Variants in LPAR5 observed in about 807,000 individuals in gnomAD.
LPAR5 encodes the protein G protein-coupled receptor 92.
For synonymous variants in LPAR5, 271 were observed against 261.6 expected, an observed-to-expected ratio of 1.04 and a Z score of -0.35; for missense variants, 544 against 521.8, an observed-to-expected ratio of 1.04 and a Z score of -0.41.
At position 6,621,418 on chromosome 12, in the gene LPAR5, G is replaced by A; in HGVS notation, c.-170C>T. The A allele has an allele frequency of 1.7e-6, 1 of 589,886 alleles. No homozygotes were observed. The highest frequency in any genetic ancestry group is 3.4e-5 in the East Asian group (1 of 29,080). The allele number at this position is 589,886 out of a possible 1,614,324, so 36.5% of individuals were successfully genotyped here. Reference sequence around the variant, plus strand: ...GCTATGGCTGCAGGGACAGATGGCTGCCAAGGGTTGGGTGCGTTTGGTCAC... The same window carrying A: ...GCTATGGCTGCAGGGACAGATGGCTACCAAGGGTTGGGTGCGTTTGGTCAC... On this transcript the variant is annotated 5_prime_UTR_variant, in exon 2 of 2. Coordinates refer to ENST00000329858, the MANE Select transcript of LPAR5 (RefSeq NM_020400.6).
At chr12:6,631,006 A>C (rs760146130) in intron 1 of LPAR5, among the ~76,000 whole-genome samples, 8 of 152,294 alleles carry the variant, frequency 5.3e-5, no homozygotes, top group Non-Finnish European at 1.2e-4. Context: ...GGTGTTGGGG[A>C]GGGGCAGCCC....
intron 1 of LPAR5, among the ~76,000 whole-genome samples, chr12:6,634,039 C>T (rs925046468): frequency 6.6e-6 from 1 of 151,622 alleles, no homozygotes; most frequent in Non-Finnish European, 1.5e-5. Context: ...TAGAGTCTCG[C>T]TCTGTTGCCA....
At chr12:6,621,898 C>T (rs746457402) in intron 1 of LPAR5, among the ~76,000 whole-genome samples, 5 of 152,044 alleles carry the variant, frequency 3.3e-5, no homozygotes, top group African/African-American at 7.3e-5. Context: ...GAGGCCGAGG[C>T]GGGTGGATTA....
chr12:6,619,658 G>A lies in LPAR5; in HGVS notation c.*472C>T, dbSNP rs138248327. 2.5e-3 allele frequency: 829 copies of A among 325,660 alleles called. 6 individuals carry two copies. The highest frequency in any genetic ancestry group is 0.014 in the African/African-American group (641 of 46,542). 20.2% of individuals were successfully genotyped at this position (325,660 alleles called of 1,614,324 possible). A position where few individuals can be genotyped will look rare whatever the true frequency, so the allele number is the denominator to read the frequency against. On this transcript the variant is annotated 3_prime_UTR_variant, in exon 2 of 2. Transcript: ENST00000329858. The stretch of plus-strand genomic sequence containing the variant: ...GTGGTGAGCAGGGGAAGCCTAGGCC[G>A]AAATGAAAGGGGGTGGCATCCATGA...
chr12:6,630,750 C>T (rs1948976104), intron 1 of LPAR5, among the ~76,000 whole-genome samples: 1 of 151,568 alleles, frequency 6.6e-6, no homozygotes, highest in Non-Finnish European at 1.5e-5. Context: ...CCGCACCTGG[C>T]CCCAGCCCAT....
At chr12:6,624,152 T>C (rs889389277) in intron 1 of LPAR5, among the ~76,000 whole-genome samples, 11 of 152,230 alleles carry the variant, frequency 7.2e-5, no homozygotes, top group Admixed American at 2.0e-4. Flanking sequence ...CATAGGCTGA[T>C]TGCATGCTAG....
Position 6,619,770 on chromosome 12 carries a change from C to T in LPAR5, c.*360G>A. The T allele has an allele frequency of 2.5e-6, 1 of 396,716 alleles. No individual in the cohort carries two copies. The highest frequency in any genetic ancestry group is 2.0e-5 in the South Asian group (1 of 49,176). 24.6% of individuals were successfully genotyped at this position (396,716 alleles called of 1,614,324 possible). A position where few individuals can be genotyped will look rare whatever the true frequency, so the allele number is the denominator to read the frequency against. On this transcript the variant is annotated 3_prime_UTR_variant, in exon 2 of 2. Transcript: ENST00000329858. The stretch of plus-strand genomic sequence containing the variant: ...CTCTTCAGCTCTCAGGCCCCTGTGG[C>T]GGTTTAGATCCAGAATGCCCATTTT...
At chr12:6,631,999 T>G (rs1948983304) in intron 1 of LPAR5, among the ~76,000 whole-genome samples, 1 of 151,970 alleles carries the variant, frequency 6.6e-6, no homozygotes, top group Non-Finnish European at 1.5e-5. Context: ...TGAGACGGAG[T>G]CTCGCACTGT....
rs1394232067 is a variant in LPAR5, at chr12:6,621,287, A to G, written c.-39T>C. 7 of 1,472,406 alleles carry G rather than the reference A, an allele frequency of 4.8e-6. No homozygotes were observed. The highest frequency in any genetic ancestry group is 4.2e-4 in the Middle Eastern group (2 of 4,814). 91.2% of individuals were successfully genotyped at this position (1,472,406 alleles called of 1,614,324 possible). On this transcript the variant is annotated 5_prime_UTR_variant, in exon 2 of 2. It removes an upstream start codon present in the reference 5' UTR. Coordinates refer to ENST00000329858, the MANE Select transcript of LPAR5 (RefSeq NM_020400.6). ...GATTGGGAGCTAGGCTGGGGATGCC[A>G]TGGAGCACACCAGAATCATGGCATG...
intron 1 of LPAR5, among the ~76,000 whole-genome samples, chr12:6,627,523 G>A (rs192726540): frequency 4.4e-4 from 67 of 152,258 alleles, no homozygotes; most frequent in Non-Finnish European, 6.0e-4. Context: ...CCCAAGGGGC[G>A]GAGGTTGCAG....
chr12:6,629,799 G>A (rs1231347901), intron 1 of LPAR5, among the ~76,000 whole-genome samples: 5 of 151,978 alleles, frequency 3.3e-5, no homozygotes, highest in African/African-American at 7.3e-5. Context: ...TGAGGCGGGC[G>A]GATCACCTGA....
chr12:6,624,023 A>G (rs762126475), intron 1 of LPAR5, among the ~76,000 whole-genome samples: 2 of 152,176 alleles, frequency 1.3e-5, no homozygotes, highest in Non-Finnish European at 2.9e-5. Flanking sequence ...TACGCATCAC[A>G]TGCATCACTG....
chr12:6,625,429 A>G (rs1347929127), intron 1 of LPAR5, among the ~76,000 whole-genome samples: 2 of 138,380 alleles, frequency 1.4e-5, no homozygotes. Flanking sequence ...TCAAAAAAAA[A>G]AAAAAAAGAG....
chr12:6,633,918 C>T (rs1347698605), intron 1 of LPAR5, among the ~76,000 whole-genome samples: 1 of 152,158 alleles, frequency 6.6e-6, no homozygotes, highest in Non-Finnish European at 1.5e-5. Flanking sequence ...CAATCCCTGC[C>T]TCCATGTCCC....
At chr12:6,623,224 C>T (rs1043054855) in intron 1 of LPAR5, among the ~76,000 whole-genome samples, 1 of 150,106 alleles carries the variant, frequency 6.7e-6, no homozygotes, top group Non-Finnish European at 1.5e-5. Flanking sequence ...GGTAACAAAA[C>T]GAGACTCCAT....
intron 1 of LPAR5, among the ~76,000 whole-genome samples, chr12:6,633,447 G>A (rs1209538789): frequency 6.6e-6 from 1 of 151,100 alleles, no homozygotes; most frequent in Middle Eastern, 3.4e-3. Flanking sequence ...CTCGCTTGCT[G>A]TGTTACCTAG....
Position 6,620,273 on chromosome 12 carries a change from G to A in LPAR5, c.976C>T (p.Arg326Trp), listed in dbSNP as rs762905097. 1.9e-6 allele frequency: 3 copies of A among 1,605,730 alleles called. No homozygotes were observed. The highest frequency in any genetic ancestry group is 2.7e-5 in the African/African-American group (2 of 74,764). ...CTTTCGGATTGCGCGAGCGCCGCCC[G>A]CGTCCCGTTGGTGGCCGAGGTCCTG... The part of the protein sequence containing the change: ...RARTSATNGT[R>W]AALAQSERSA... Residue 326 changes from arginine (R) to tryptophan (W), a missense_variant, in exon 2 of 2, where the codon CGG (arginine) becomes TGG (tryptophan). Coordinates refer to ENST00000329858, the MANE Select transcript of LPAR5 (RefSeq NM_020400.6). This position sits in a 1 kb window ranked among gnomAD's most constrained non-coding sequence, Gnocchi z 6.8.
At position 6,620,185 on chromosome 12, in the gene LPAR5, G is replaced by A. The variant is rs1948876472; in HGVS notation, c.1064C>T (p.Ser355Phe). The A allele has an allele frequency of 9.3e-6, 15 of 1,613,278 alleles. No individual in the cohort carries two copies. Among genetic ancestry groups the A allele is most frequent in the Non-Finnish European group, 1.3e-5 (15 of 1,179,520 alleles). ...DAASQGLLRP[S>F]DSHSLSSFTQ... The stretch of plus-strand genomic sequence containing the variant: ...GAAGGAAGACAGAGAGTGGGAGTCG[G>A]AGGGTCGGAGCAGCCCCTGACTGGC... The change falls in exon 2 of 2, where the codon TCC becomes TTC. Residue 355 changes from serine (S) to phenylalanine (F), a missense_variant. Coordinates refer to ENST00000329858, the MANE Select transcript of LPAR5 (RefSeq NM_020400.6). The surrounding 1 kb of genome is among the most constrained non-coding windows in gnomAD (Gnocchi z 6.8).
chr12:6,635,902 C>T lies in LPAR5; in HGVS notation c.-217+5G>A, dbSNP rs1468455904. The T allele has an allele frequency of 6.5e-6, 1 of 152,722 alleles. No homozygotes were observed. The highest frequency in any genetic ancestry group is 2.4e-5 in the African/African-American group (1 of 41,450). The allele number at this position is 152,722 out of a possible 1,614,324, so 9.5% of individuals were successfully genotyped here. On this transcript the variant is annotated splice_donor_5th_base_variant and intron_variant, in intron 1 of 1. Transcript: ENST00000329858. The stretch of plus-strand genomic sequence containing the variant: ...TGTGCAGTTCAATTCGTGACACCCC[C>T]ATACCTGTGCTCCGTGTTGCTCTGC...
Sources: allele counts gnomAD v4.1 joint callset (sites outside exome capture counted in the v4.1 genomes callset), GRCh38; gene constraint gnomAD v4.1.1; non-coding constraint Gnocchi (gnomAD v3.1); transcripts MANE v1.5; gene names NCBI Gene and HGNC (gene_info 2026-07-23, HGNC 2026-07-21).